SEPTIN7: variants seen among roughly 807,000 people sequenced by gnomAD.
The protein encoded by SEPTIN7 is septin 7.
In SEPTIN7, 10 loss-of-function variants were observed where a neutral mutation model predicts 63.3. That is an observed-to-expected ratio of 0.16 (90% CI 0.10 to 0.27). The LOEUF (loss-of-function observed/expected upper bound fraction) is 0.27, where lower values mean the gene tolerates loss of function less well. Among genes scored for constraint, SEPTIN7 ranks in the 10% least tolerant of loss-of-function variants. The probability of loss-of-function intolerance (pLI) is 1.00; values close to 1 mark genes in which losing one functional copy is unlikely to be tolerated. For missense variants in SEPTIN7, 310 were observed against 521.0 expected, an observed-to-expected ratio of 0.59 and a Z score of 3.94; for synonymous variants, 131 against 165.3, an observed-to-expected ratio of 0.79 and a Z score of 1.59.
In SEPTIN7 at chr7:35,840,637, AT is replaced by A. The variant is rs962348577; in HGVS notation, c.169+7747del. 3.3e-4 allele frequency among the ~76,000 whole-genome samples: 49 copies of A among 150,296 alleles called. No individual in the cohort carries two copies. In the East Asian group the frequency reaches 3.5e-3, roughly 11 times the overall value. ...AGATTATATATTAAGAAAAAAGGAA[AT>A]TTTTTTTTTCTGAATTTGAAGAGAT... On this transcript the variant is annotated intron_variant, in intron 3 of 13. Coordinates refer to ENST00000350320, the MANE Select transcript of SEPTIN7 (RefSeq NM_001788.6).
At chr7:35,898,921 G>C (rs1788125680) in intron 12 of SEPTIN7, 1 of 152,224 alleles carries the variant, frequency 6.6e-6, no homozygotes. Context: ...TTATAATGTA[G>C]TGTCAAGGTA....
intron 3 of SEPTIN7, among the ~76,000 whole-genome samples, chr7:35,844,562 C>T (rs1400188877): frequency 6.6e-6 from 1 of 152,122 alleles, no homozygotes; most frequent in African/African-American, 2.4e-5. Context: ...CTGGACAGAT[C>T]ACTTTGAATC....
At chr7:35,848,973 G>A (rs1784826011) in intron 3 of SEPTIN7, among the ~76,000 whole-genome samples, 2 of 152,198 alleles carry the variant, frequency 1.3e-5, no homozygotes, top group Non-Finnish European at 2.9e-5. Flanking sequence ...TTATTGAGTA[G>A]CTGGTTGGAA....
At chr7:35,852,885 A>G (rs1011612718) in intron 3 of SEPTIN7, among the ~76,000 whole-genome samples, 3 of 152,162 alleles carry the variant, frequency 2.0e-5, no homozygotes, top group Admixed American at 6.5e-5. Context: ...AATCAGTGTT[A>G]TTCTTGAAAG....
the SEPTIN7 span, among the ~76,000 whole-genome samples, chr7:35,912,808 A>G: frequency 6.6e-6 from 1 of 152,264 alleles, no homozygotes; most frequent in African/African-American, 2.4e-5. Context: ...AATCTGCAAG[A>G]TGGAATTAAT....
chr7:35,851,086 G>A (rs182916870), intron 3 of SEPTIN7, among the ~76,000 whole-genome samples: 2 of 152,180 alleles, frequency 1.3e-5, no homozygotes, highest in East Asian at 3.9e-4. Context: ...AAACAAATAG[G>A]TGATGAATGT....
chr7:35,885,047 GC>G (rs1437477933), intron 9 of SEPTIN7, among the ~76,000 whole-genome samples: 1 of 151,646 alleles, frequency 6.6e-6, no homozygotes, highest in African/African-American at 2.4e-5. Flanking sequence ...ACAAGGTCTT[GC>G]TATGTTGCCC....
At chr7:35,818,454 A>G (rs1789222076) in intron 1 of SEPTIN7, among the ~76,000 whole-genome samples, 1 of 152,036 alleles carries the variant, frequency 6.6e-6, no homozygotes. Context: ...TTGGTATCAG[A>G]GTAAAACTGG....
chr7:35,807,743 C>G lies in SEPTIN7; in HGVS notation c.61+6473C>G, dbSNP rs1231644750. Among the ~76,000 whole-genome samples, 3 of 152,132 alleles carry G rather than the reference C, an allele frequency of 2.0e-5. No homozygotes were observed. The East Asian group carries it at 5.8e-4, about 29-fold the overall frequency. ...GAACTCTCGACCTCAGGTGATCCAC[C>G]TGCCTTGGCCTCCCAAAGTGATGGG... On this transcript the variant is annotated intron_variant, in intron 1 of 13. Transcript: ENST00000350320.
intron 1 of SEPTIN7, among the ~76,000 whole-genome samples, chr7:35,802,099 G>A (rs999963122): frequency 3.3e-5 from 5 of 152,222 alleles, no homozygotes; most frequent in African/African-American, 1.2e-4. Flanking sequence ...AAGGGAGGGA[G>A]CGGAGATGTG....
intron 1 of SEPTIN7, among the ~76,000 whole-genome samples, chr7:35,807,916 G>A (rs576870527): frequency 1.8e-4 from 27 of 151,984 alleles, no homozygotes; most frequent in Non-Finnish European, 3.1e-4. Flanking sequence ...TCTGCCTCCT[G>A]GGTTCAAGTG....
At chr7:35,808,434 T>C (rs1788492381) in intron 1 of SEPTIN7, among the ~76,000 whole-genome samples, 1 of 152,238 alleles carries the variant, frequency 6.6e-6, no homozygotes, top group Non-Finnish European at 1.5e-5. Context: ...GCATTCTTAT[T>C]CTTTTATACA....
Position 35,801,178 on chromosome 7 carries a change from C to G in SEPTIN7, c.-32C>G. ...CTTTGGAGAATCGGCGGGCTGCGCT[C>G]CGCTGGGGCTGGTCGCGGAGGGGGG... On this transcript the variant is annotated 5_prime_UTR_variant, in exon 1 of 14. Coordinates refer to ENST00000350320, the MANE Select transcript of SEPTIN7 (RefSeq NM_001788.6). The G allele has an allele frequency of 6.8e-7, 1 of 1,480,518 alleles. No homozygotes were observed. Among genetic ancestry groups the G allele is most frequent in the Non-Finnish European group, 9.0e-7 (1 of 1,112,890 alleles). The allele number at this position is 1,480,518 out of a possible 1,614,324, so 91.7% of individuals were successfully genotyped here. A position where few individuals can be genotyped will look rare whatever the true frequency, so the allele number is the denominator to read the frequency against.
chr7:35,849,417 G>A (rs1486281018), intron 3 of SEPTIN7, among the ~76,000 whole-genome samples: 1 of 152,072 alleles, frequency 6.6e-6, no homozygotes, highest in Admixed American at 6.6e-5. Context: ...GTGCAATAGG[G>A]CTTGCATTCC....
chr7:35,818,642 TTAC>T (rs1789234260), intron 1 of SEPTIN7, among the ~76,000 whole-genome samples: 1 of 152,016 alleles, frequency 6.6e-6, no homozygotes. Flanking sequence ...TTATTTTTTG[TTAC>T]TAATCTATTA....
chr7:35,890,688 A>C lies in SEPTIN7; in HGVS notation c.893A>C (p.Lys298Thr). Reference protein sequence around the residue: ...MLIRTHMQDLKDVTNNVHYEN... With the variant: ...MLIRTHMQDLTDVTNNVHYEN... ...GACAGAACACACATGCAGGACTTGAAAGATGTTACTAATAATGTCCACTAT... is the reference window on the plus strand; with the variant it reads ...GACAGAACACACATGCAGGACTTGACAGATGTTACTAATAATGTCCACTAT... The change falls in exon 11 of 14, where the codon AAA becomes ACA. Residue 298 changes from lysine (K) to threonine (T), a missense_variant. This residue lies in a region of SEPTIN7 where 255 missense variants were observed against 490.5 expected (regional missense o/e 0.52). Coordinates refer to ENST00000350320, the MANE Select transcript of SEPTIN7 (RefSeq NM_001788.6). 1 of 1,578,772 alleles carries C rather than the reference A, an allele frequency of 6.3e-7. No individual in the cohort carries two copies. The highest frequency in any genetic ancestry group is 8.6e-7 in the Non-Finnish European group (1 of 1,165,508).
chr7:35,901,672 C>CTGGCT (rs2116389937), intron 12 of SEPTIN7: 1 of 152,178 alleles, frequency 6.6e-6, no homozygotes, highest in Admixed American at 6.5e-5. Flanking sequence ...CACTGTAAGC[C>CTGGCT]TACTACCTGG....
At chr7:35,903,510 C>A (rs10246479) in intron 13 of SEPTIN7, among the ~76,000 whole-genome samples, 1 of 152,044 alleles carries the variant, frequency 6.6e-6, no homozygotes, top group Non-Finnish European at 1.5e-5. Flanking sequence ...CCTCCTCCCC[C>A]CAGTTGTTGG....
Position 35,876,836 on chromosome 7 carries a change from G to A in SEPTIN7, c.513-2987G>A, listed in dbSNP as rs558188701. Among the ~76,000 whole-genome samples the A allele has an allele frequency of 2.1e-4, 32 of 152,292 alleles. No homozygotes were observed. The Middle Eastern group carries it at 0.014, about 65-fold the overall frequency. ...ATACAAAAATTAGCCAGGCTTGGTG[G>A]TGGATGCCTGTAATCCCAGCTACTC... On this transcript the variant is annotated intron_variant, in intron 6 of 13. Coordinates refer to ENST00000350320, the MANE Select transcript of SEPTIN7 (RefSeq NM_001788.6).
Sources: allele counts gnomAD v4.1 joint callset (sites outside exome capture counted in the v4.1 genomes callset), GRCh38; gene constraint gnomAD v4.1.1; regional missense constraint gnomAD v4.1.1; transcripts MANE v1.5; gene names NCBI Gene and HGNC (gene_info 2026-07-23, HGNC 2026-07-21).